Variants in RFX8 observed in about 807,000 individuals in gnomAD.
RFX8 encodes the protein regulatory factor X8.
Under a neutral mutation model 54.6 loss-of-function variants are expected in RFX8, and 46 were observed. The observed-to-expected ratio is 0.84, with a 90% CI of 0.67 to 1.08. The LOEUF (loss-of-function observed/expected upper bound fraction) is 1.08, where lower values mean the gene tolerates loss of function less well. Ranked by LOEUF, RFX8 falls within the 50% of genes least tolerant of loss-of-function variation. The pLI is 0.00. For synonymous variants in RFX8, 192 were observed against 209.5 expected, an observed-to-expected ratio of 0.92 and a Z score of 0.72; for missense variants, 536 against 562.3, an observed-to-expected ratio of 0.95 and a Z score of 0.47.
At chr2:101,469,151 T>TAC (rs1428928826) in intron 1 of RFX8, among the ~76,000 whole-genome samples, 2 of 139,380 alleles carry the variant, frequency 1.4e-5, no homozygotes, top group African/African-American at 5.5e-5. Flanking sequence ...TATATATATA[T>TAC]ATACACACAC....
chr2:101,469,109 T>TATATATATATAA (rs1558897018), intron 1 of RFX8, among the ~76,000 whole-genome samples: 4 of 26,040 alleles, frequency 1.5e-4, no homozygotes, highest in African/African-American at 5.3e-4. Flanking sequence ...TATATATAAG[T>TATATATATATAA]GTATATATAT....
intron 2 of RFX8, among the ~76,000 whole-genome samples, chr2:101,439,838 C>A (rs956843023): frequency 3.3e-5 from 5 of 151,966 alleles, no homozygotes; most frequent in Admixed American, 6.6e-5. Context: ...GGCCTCCCGA[C>A]ATGCTAGAAT....
chr2:101,401,992 G>A (rs2104513193), intron 11 of RFX8, among the ~76,000 whole-genome samples: 1 of 152,326 alleles, frequency 6.6e-6, no homozygotes, highest in East Asian at 1.9e-4. Context: ...TAGGTGTTAG[G>A]TAAATAGTAA....
intron 11 of RFX8, among the ~76,000 whole-genome samples, chr2:101,400,066 C>T (rs1685342944): frequency 6.6e-6 from 1 of 152,118 alleles, no homozygotes. Context: ...GATGATAACA[C>T]CTATTTCATT....
intron 2 of RFX8, among the ~76,000 whole-genome samples, chr2:101,461,130 A>C (rs1206568416): frequency 6.6e-6 from 1 of 151,708 alleles, no homozygotes; most frequent in Non-Finnish European, 1.5e-5. Context: ...ATTGCCGGGC[A>C]TGGTAGCGGG....
At chr2:101,459,945 G>A (rs13034485) in intron 2 of RFX8, among the ~76,000 whole-genome samples, 40,265 of 152,000 alleles carry the variant, frequency 0.26, 7,046 homozygotes, top group Non-Finnish European at 0.38. Flanking sequence ...AGCAATGGCC[G>A]ATGCCCCGCC....
intron 1 of RFX8, among the ~76,000 whole-genome samples, chr2:101,467,813 C>T (rs1384834383): frequency 6.6e-6 from 1 of 151,792 alleles, no homozygotes; most frequent in African/African-American, 2.4e-5. Flanking sequence ...CAGAAAGTGT[C>T]CGTAGTGACA....
At chr2:101,457,717 A>C (rs1376545105) in intron 2 of RFX8, among the ~76,000 whole-genome samples, 1 of 152,206 alleles carries the variant, frequency 6.6e-6, no homozygotes, top group Admixed American at 6.5e-5. Flanking sequence ...GTAGATGTCT[A>C]TTAGGTCTGC....
intron 2 of RFX8, chr2:101,428,984 T>C (rs776175077): frequency 1.0e-4 from 155 of 1,533,594 alleles, no homozygotes; most frequent in Middle Eastern, 1.7e-4. Context: ...AATGCTGTTA[T>C]AATTAGTAGA....
chr2:101,419,026 C>G, intron 4 of RFX8, 62 bp from the exon 5 acceptor site: 3 of 790,696 alleles, frequency 3.8e-6, no homozygotes, highest in Non-Finnish European at 6.3e-6. Flanking sequence ...ACTAACCCCC[C>G]GCCACAGATA....
At chr2:101,445,732 T>C (rs1236085144) in intron 2 of RFX8, among the ~76,000 whole-genome samples, 1 of 152,066 alleles carries the variant, frequency 6.6e-6, no homozygotes, top group Non-Finnish European at 1.5e-5. Context: ...GCCTGGTCTA[T>C]TGTCCTTTTT....
In RFX8 at chr2:101,443,571, TAC is replaced by T. The variant is rs202116814; in HGVS notation, c.73-21101_73-21100del. 8.4e-3 allele frequency among the ~76,000 whole-genome samples: 1,285 copies of T among 152,262 alleles called. 15 individuals are homozygous for T. The highest frequency in any genetic ancestry group is 0.011 in the Non-Finnish European group (736 of 68,032). ...ACAACTACATATTTGGAAATTATTC[TAC>T]AGACAAGGATAGAAGAGCTCTGAAA... On this transcript the variant is annotated intron_variant, in intron 2 of 11. Transcript: ENST00000428343.
chr2:101,470,008 G>A (rs1689887263), intron 1 of RFX8, among the ~76,000 whole-genome samples: 1 of 152,072 alleles, frequency 6.6e-6, no homozygotes, highest in South Asian at 2.1e-4. Flanking sequence ...CGCAGAGACT[G>A]ACCAGTGGCA....
chr2:101,440,702 C>T (rs576737659), intron 2 of RFX8, among the ~76,000 whole-genome samples: 2 of 152,302 alleles, frequency 1.3e-5, no homozygotes, highest in Admixed American at 1.3e-4. Context: ...CAATTAAATG[C>T]TAAGTCCTGT....
chr2:101,403,794 A>T (rs943611086), intron 10 of RFX8, among the ~76,000 whole-genome samples: 1 of 152,246 alleles, frequency 6.6e-6, no homozygotes, highest in Non-Finnish European at 1.5e-5. Flanking sequence ...CTCAAGAAGA[A>T]AAAAGAAAAA....
chr2:101,417,298 G>A (rs1435197641), intron 6 of RFX8, among the ~76,000 whole-genome samples: 2 of 152,188 alleles, frequency 1.3e-5, no homozygotes, highest in African/African-American at 2.4e-5. Flanking sequence ...TTGACCTCCT[G>A]GGCTCAAGTG....
chr2:101,470,118 A>C (rs1689892325), intron 1 of RFX8, among the ~76,000 whole-genome samples: 1 of 151,248 alleles, frequency 6.6e-6, no homozygotes, highest in African/African-American at 2.5e-5. Flanking sequence ...TAGTTGCCTC[A>C]GCCTTCAGTG....
chr2:101,431,102 CCATT>C (rs1558863481), intron 2 of RFX8, among the ~76,000 whole-genome samples: 26 of 133,074 alleles, frequency 2.0e-4, no homozygotes, highest in East Asian at 1.5e-3. Context: ...CTCCATCCAT[CCATT>C]CATTCATCCA....
At chr2:101,470,404 T>TGGG (rs1409612993) in intron 1 of RFX8, among the ~76,000 whole-genome samples, 2 of 152,172 alleles carry the variant, frequency 1.3e-5, no homozygotes, top group East Asian at 3.8e-4. Flanking sequence ...AGAGACCGAT[T>TGGG]GGGGACTGGC....
Sources: allele counts gnomAD v4.1 joint callset (sites outside exome capture counted in the v4.1 genomes callset), GRCh38; gene constraint gnomAD v4.1.1; transcripts MANE v1.5; gene names NCBI Gene and HGNC (gene_info 2026-07-23, HGNC 2026-07-21).